ADGB: variants seen among roughly 807,000 people sequenced by gnomAD.
The protein encoded by ADGB is calpain-7-like protein.
In ADGB, 172 loss-of-function variants were observed where a neutral mutation model predicts 210.5. The ratio of observed to expected loss-of-function variants is 0.82; its 90% confidence interval spans 0.72 to 0.93. The LOEUF is 0.93. ADGB is among the 40% of genes least tolerant of loss of function. ADGB has a pLI of 0.00. For missense variants in ADGB, 2,025 were observed against 1,964.8 expected (o/e 1.03, Z -0.58); for synonymous variants, 658 against 662.7 (o/e 0.99, Z 0.11).
chr6:146,687,132 A>G (rs1776243997), intron 10 of ADGB, among the ~76,000 whole-genome samples: 1 of 152,078 alleles, frequency 6.6e-6, no homozygotes, highest in South Asian at 2.1e-4. Context: ...CAGTTTCACT[A>G]TTTTTAATCC....
intron 13 of ADGB, among the ~76,000 whole-genome samples, chr6:146,712,466 T>C (rs1397011214): frequency 2.0e-5 from 3 of 152,122 alleles, no homozygotes; most frequent in Middle Eastern, 3.4e-3. Context: ...AGATTACAGG[T>C]GTGAGCCACC....
intron 13 of ADGB, among the ~76,000 whole-genome samples, chr6:146,708,032 C>T (rs1424860131): frequency 1.3e-5 from 2 of 152,070 alleles, no homozygotes; most frequent in Non-Finnish European, 2.9e-5. Flanking sequence ...CATCTTATGG[C>T]TGTAACGGCA....
rs140850867 is a variant in ADGB at position 146,704,695 on chromosome 6, T to A, written c.1707+3625T>A. 4.7e-3 allele frequency among the ~76,000 whole-genome samples: 717 copies of A among 152,206 alleles called. 6 individuals carry two copies. The highest frequency in any genetic ancestry group is 0.017 in the Middle Eastern group (5 of 294). On this transcript the variant is annotated intron_variant, in intron 13 of 35. Transcript: ENST00000397944. Reference sequence around the variant, plus strand: ...TTTGGGTTACTATAGCTTTGTAGTGTATTTTGAAGTCAGGTAGTGTGATGC... The same window carrying A: ...TTTGGGTTACTATAGCTTTGTAGTGAATTTTGAAGTCAGGTAGTGTGATGC...
At chr6:146,729,440 T>G (rs1166834349) in intron 20 of ADGB, among the ~76,000 whole-genome samples, 1 of 152,118 alleles carries the variant, frequency 6.6e-6, no homozygotes, top group Non-Finnish European at 1.5e-5. Flanking sequence ...ATGGGAGACT[T>G]TCTCTTTTTT....
At chr6:146,807,407 C>T in intron 35 of ADGB, 1 of 1,551,300 alleles carries the variant, frequency 6.4e-7, no homozygotes, top group Non-Finnish European at 8.7e-7. Context: ...AACAGGACTC[C>T]TTAGATGAAG....
At chr6:146,776,189 A>G (rs1777718517) in intron 29 of ADGB, among the ~76,000 whole-genome samples, 1 of 152,094 alleles carries the variant, frequency 6.6e-6, no homozygotes, top group African/African-American at 2.4e-5. Context: ...ATTTATTCCA[A>G]TGGTCATTTC....
intron 1 of ADGB, among the ~76,000 whole-genome samples, chr6:146,625,802 C>T (rs1780963160): frequency 6.6e-6 from 1 of 151,982 alleles, no homozygotes; most frequent in African/African-American, 2.4e-5. Context: ...ATTACCCAGT[C>T]TTCAGTGTGT....
chr6:146,725,909 G>A lies in ADGB; in HGVS notation c.2238-174G>A, dbSNP rs551759448. On this transcript the variant is annotated intron_variant, in intron 18 of 35. Coordinates refer to ENST00000397944, the MANE Select transcript of ADGB (RefSeq NM_024694.4). Reference sequence around the variant, plus strand: ...AGTAAAGCGTAGATTTCATGATCCCGTAGGGTTCTTATAGAGTGCAAATTC... The same window carrying A: ...AGTAAAGCGTAGATTTCATGATCCCATAGGGTTCTTATAGAGTGCAAATTC... 81 of 468,148 alleles carry A rather than the reference G, an allele frequency of 1.7e-4. No homozygotes were observed. The Middle Eastern group carries it at 3.5e-3, about 20-fold the overall frequency. The allele number at this position is 468,148 out of a possible 1,614,324, so 29.0% of individuals were successfully genotyped here.
intron 1 of ADGB, among the ~76,000 whole-genome samples, chr6:146,606,713 G>A (rs1780632957): frequency 6.6e-6 from 1 of 152,092 alleles, no homozygotes; most frequent in Admixed American, 6.5e-5. Flanking sequence ...ATGGTTGTAG[G>A]TAGGTAGCTT....
At position 146,726,077 on chromosome 6, in the gene ADGB, C is replaced by A; in HGVS notation, c.2238-6C>A. ...TCGGTTATCATCCGGCATCCCTTCTCTTTAGGAGACACATGCTACTCTTCA... is the reference window on the plus strand; with the variant it reads ...TCGGTTATCATCCGGCATCCCTTCTATTTAGGAGACACATGCTACTCTTCA... On this transcript the variant is annotated splice_polypyrimidine_tract_variant and splice_region_variant and intron_variant, in intron 18 of 35. Transcript: ENST00000397944. 6.6e-7 allele frequency: 1 copy of A among 1,513,598 alleles called. No homozygotes were observed. The highest frequency in any genetic ancestry group is 9.0e-7 in the Non-Finnish European group (1 of 1,116,064). 93.8% of individuals were successfully genotyped at this position (1,513,598 alleles called of 1,614,324 possible). A position where few individuals can be genotyped will look rare whatever the true frequency, so the allele number is the denominator to read the frequency against.
chr6:146,639,788 C>T (rs972318298), intron 2 of ADGB: 1 of 151,908 alleles, frequency 6.6e-6, no homozygotes, highest in African/African-American at 2.4e-5. Context: ...CCTGCACAAG[C>T]ATGGCACACA....
intron 13 of ADGB, among the ~76,000 whole-genome samples, chr6:146,711,636 G>T (rs910413302): frequency 1.3e-5 from 2 of 152,032 alleles, no homozygotes; most frequent in South Asian, 2.1e-4. Flanking sequence ...TTATATTTTG[G>T]CAGGATATAA....
At chr6:146,608,286 A>G (rs1208155105) in intron 1 of ADGB, among the ~76,000 whole-genome samples, 1 of 151,704 alleles carries the variant, frequency 6.6e-6, no homozygotes, top group African/African-American at 2.4e-5. Flanking sequence ...AATGTAGCTA[A>G]CAGTCTAACA....
At chr6:146,701,602 A>C (rs1037650750) in intron 13 of ADGB, among the ~76,000 whole-genome samples, 1 of 151,968 alleles carries the variant, frequency 6.6e-6, no homozygotes, top group African/African-American at 2.4e-5. Flanking sequence ...CAGGTACAAG[A>C]GTTTCTTTAG....
intron 5 of ADGB, among the ~76,000 whole-genome samples, chr6:146,657,428 G>C (rs2153612): frequency 0.32 from 49,095 of 152,022 alleles, 8,056 homozygotes; most frequent in Admixed American, 0.37. Flanking sequence ...AGTTTTTATA[G>C]GATATCAATT....
intron 33 of ADGB, among the ~76,000 whole-genome samples, chr6:146,797,956 G>A (rs1164879719): frequency 3.4e-5 from 5 of 148,464 alleles, no homozygotes; most frequent in Admixed American, 6.7e-5. Context: ...TAAATAGTTG[G>A]AGATTCAGCA....
chr6:146,703,757 A>G (rs1034355603), intron 13 of ADGB, among the ~76,000 whole-genome samples: 1 of 151,894 alleles, frequency 6.6e-6, no homozygotes, highest in South Asian at 2.1e-4. Context: ...TAATGCTATA[A>G]TGAAGATGGG....
intron 27 of ADGB, among the ~76,000 whole-genome samples, chr6:146,755,436 T>C (rs1385678127): frequency 1.3e-5 from 2 of 152,086 alleles, no homozygotes; most frequent in African/African-American, 4.8e-5. Flanking sequence ...GGATAGTAAG[T>C]GAGTTCTCGC....
intron 1 of ADGB, among the ~76,000 whole-genome samples, chr6:146,622,525 A>G (rs1488748197): frequency 6.6e-6 from 1 of 152,134 alleles, no homozygotes; most frequent in Non-Finnish European, 1.5e-5. Flanking sequence ...TTGAGGGGCC[A>G]TTTTAGATAC....
Sources: gnomAD v4.1 joint callset for allele counts (sites outside exome capture counted in the v4.1 genomes callset) on GRCh38, gnomAD v4.1.1 for gene constraint, MANE v1.5 for transcripts, NCBI Gene and HGNC (gene_info 2026-07-23, HGNC 2026-07-21) for gene names.